The following RBFOX1 variants were observed in gnomAD, a reference collection of about 807,000 sequenced individuals.
The protein encoded by RBFOX1 is RNA binding protein fox-1 homolog 1.
In RBFOX1, 8 loss-of-function variants were observed where a neutral mutation model predicts 57.7. The observed-to-expected ratio is 0.14, with a 90% confidence interval of 0.08 to 0.25. The LOEUF (loss-of-function observed/expected upper bound fraction) is 0.25. Among genes scored for constraint, RBFOX1 ranks in the 10% least tolerant of loss-of-function variants. The pLI is 1.00. For synonymous variants in RBFOX1, 326 were observed against 222.4 expected (o/e 1.47, Z -4.15); for missense variants, 611 against 548.5 (o/e 1.11, Z -1.14).
chr16:6,235,725 G>C (rs1166718847), intron 1 of RBFOX1, among the ~76,000 whole-genome samples: 1 of 152,022 alleles, frequency 6.6e-6, no homozygotes, highest in Non-Finnish European at 1.5e-5. Context: ...AATGAGATTG[G>C]AGACTATTAC....
chr16:7,383,390 G>A (rs1231336313), intron 4 of RBFOX1, among the ~76,000 whole-genome samples: 1 of 152,062 alleles, frequency 6.6e-6, no homozygotes, highest in Non-Finnish European at 1.5e-5. Flanking sequence ...TGGCAAATAT[G>A]TTAGTGACAT....
At chr16:5,608,726 A>G (rs2047674645) in intron 3 of RBFOX1, among the ~76,000 whole-genome samples, 1 of 152,202 alleles carries the variant, frequency 6.6e-6, no homozygotes, top group African/African-American at 2.4e-5. Flanking sequence ...AACAGTTGTG[A>G]GATACACTGC....
intron 4 of RBFOX1, among the ~76,000 whole-genome samples, chr16:7,205,942 C>A (rs75200565): frequency 0.026 from 4,017 of 152,312 alleles, 82 homozygotes; most frequent in Non-Finnish European, 0.045. Context: ...AGGAGGACAG[C>A]CTGGTTTTCT....
At chr16:6,142,835 C>T (rs929684580) in intron 1 of RBFOX1, among the ~76,000 whole-genome samples, 2 of 152,126 alleles carry the variant, frequency 1.3e-5, no homozygotes, top group African/African-American at 2.4e-5. Context: ...GTTTGTAGAT[C>T]GTCTCTGTCA....
intron 4 of RBFOX1, among the ~76,000 whole-genome samples, chr16:7,132,575 A>C (rs2070784213): frequency 6.6e-6 from 1 of 151,530 alleles, no homozygotes; most frequent in South Asian, 2.1e-4. Context: ...ACACATGTTT[A>C]TGAAGGCAGA....
chr16:7,276,749 G>A (rs377734621), intron 4 of RBFOX1, among the ~76,000 whole-genome samples: 14 of 152,076 alleles, frequency 9.2e-5, no homozygotes, highest in African/African-American at 2.7e-4. Context: ...TCCCACCTAC[G>A]TTAAGACTGA....
intron 1 of RBFOX1, among the ~76,000 whole-genome samples, chr16:5,413,251 T>G (rs1483297727): frequency 6.6e-6 from 1 of 152,100 alleles, no homozygotes; most frequent in Non-Finnish European, 1.5e-5. Context: ...TGTTACAGCT[T>G]CTTCTAATAT....
intron 3 of RBFOX1, among the ~76,000 whole-genome samples, chr16:6,827,978 A>C (rs1173408640): frequency 6.6e-6 from 1 of 152,164 alleles, no homozygotes; most frequent in African/African-American, 2.4e-5. Flanking sequence ...GTAGGGGACA[A>C]ATCTTGTCTG....
chr16:5,310,147 C>G (rs1332007406), intron 1 of RBFOX1, among the ~76,000 whole-genome samples: 1 of 152,108 alleles, frequency 6.6e-6, no homozygotes, highest in Non-Finnish European at 1.5e-5. Context: ...GACTTTGATC[C>G]CAGCACTTTG....
At chr16:7,609,166 C>T (rs2056932142) in intron 10 of RBFOX1, among the ~76,000 whole-genome samples, 1 of 152,198 alleles carries the variant, frequency 6.6e-6, no homozygotes, top group Non-Finnish European at 1.5e-5. Context: ...TCAGTTTCTC[C>T]TATATGCACA....
chr16:5,860,077 C>G (rs928421100), intron 3 of RBFOX1, among the ~76,000 whole-genome samples: 2 of 152,102 alleles, frequency 1.3e-5, no homozygotes, highest in African/African-American at 4.8e-5. Context: ...CAGTAGTGGA[C>G]ACTGTCAGCA....
intron 2 of RBFOX1, among the ~76,000 whole-genome samples, chr16:6,545,550 C>T (rs936071817): frequency 9.8e-5 from 15 of 152,304 alleles, no homozygotes; most frequent in Admixed American, 3.9e-4. Context: ...TGTCACATCT[C>T]GGTTTAGACT....
intron 2 of RBFOX1, among the ~76,000 whole-genome samples, chr16:6,517,838 G>C (rs2096411322): frequency 6.6e-6 from 1 of 152,110 alleles, no homozygotes; most frequent in Admixed American, 6.5e-5. Flanking sequence ...ATTCTTAAAA[G>C]TACATAACCA....
chr16:7,279,887 G>A (rs1344266492), intron 4 of RBFOX1, among the ~76,000 whole-genome samples: 22 of 152,192 alleles, frequency 1.4e-4, no homozygotes, highest in Admixed American at 1.4e-3. Context: ...AAGGGAAATT[G>A]ATCATTGGCT....
chr16:5,555,512 A>G (rs1026131580), intron 2 of RBFOX1, among the ~76,000 whole-genome samples: 1 of 151,810 alleles, frequency 6.6e-6, no homozygotes, highest in East Asian at 2.0e-4. Flanking sequence ...CTGCCTCCCA[A>G]AGTGCTGGGA....
chr16:5,827,017 C>G (rs1364463032), intron 3 of RBFOX1, among the ~76,000 whole-genome samples: 2 of 152,212 alleles, frequency 1.3e-5, no homozygotes, highest in East Asian at 3.8e-4. Flanking sequence ...AGAAGCCTAT[C>G]TCTTCGTTGG....
At chr16:7,385,987 C>T (rs1018848903) in intron 4 of RBFOX1, among the ~76,000 whole-genome samples, 6 of 150,326 alleles carry the variant, frequency 4.0e-5, no homozygotes, top group Non-Finnish European at 7.4e-5. Flanking sequence ...GACGGAGTTT[C>T]ACCATGTTGG....
At chr16:7,203,165 A>G (rs551402633) in intron 4 of RBFOX1, among the ~76,000 whole-genome samples, 1 of 152,344 alleles carries the variant, frequency 6.6e-6, no homozygotes, top group South Asian at 2.1e-4. Context: ...TGAACAGATA[A>G]GCAAAATGTG....
intron 2 of RBFOX1, among the ~76,000 whole-genome samples, chr16:6,510,012 A>C (rs927012629): frequency 6.6e-6 from 1 of 152,036 alleles, no homozygotes; most frequent in Admixed American, 6.5e-5. Flanking sequence ...GATTCAGGGC[A>C]GGGGTGGTGT....
Sources: gnomAD v4.1 joint callset for allele counts (sites outside exome capture counted in the v4.1 genomes callset) on GRCh38, gnomAD v4.1.1 for gene constraint, MANE v1.5 for transcripts, NCBI Gene and HGNC (gene_info 2026-07-23, HGNC 2026-07-21) for gene names.